The following BCL2L14 variants were observed in gnomAD, a reference collection of about 807,000 sequenced individuals.
BCL2L14 encodes BCL2 like 14.
Under a neutral mutation model 35.3 loss-of-function variants are expected in BCL2L14, and 27 were observed. That is an observed-to-expected ratio of 0.76 (90% CI 0.56 to 1.05). The LOEUF is 1.05. Ranked by LOEUF, BCL2L14 falls within the 50% of genes least tolerant of loss-of-function variation. The pLI, the probability that BCL2L14 is intolerant of heterozygous loss-of-function variation, is 0.00. For missense variants in BCL2L14, 377 were observed against 382.6 expected (o/e 0.99, Z 0.12); for synonymous variants, 139 against 145.9 (o/e 0.95, Z 0.34).
At chr12:12,091,383 C>T (rs754834028) in intron 4 of BCL2L14, among the ~76,000 whole-genome samples, 1 of 152,108 alleles carries the variant, frequency 6.6e-6, no homozygotes, top group African/African-American at 2.4e-5. Flanking sequence ...AAGTTGAGAC[C>T]CATCTTTCCA....
Position 12,094,823 on chromosome 12 carries a change from G to A in BCL2L14, c.838G>A (p.Ala280Thr), listed in dbSNP as rs201867584. The A allele has an allele frequency of 1.8e-5, 29 of 1,614,154 alleles. No homozygotes were observed. The African/African-American group carries it at 3.3e-4, about 19-fold the overall frequency. ...GGCTGCCCTTGTAATAGACGTCACG[G>A]CCAAGCTCACAGCTATTGACAACCA... ...FKAALVIDVT[A>T]KLTAIDNHPM... Residue 280 changes from alanine to threonine, a missense_variant, in exon 5 of 6, where the codon GCC (alanine) becomes ACC (threonine). Coordinates refer to ENST00000308721, the MANE Select transcript of BCL2L14 (RefSeq NM_138723.2).
intron 2 of BCL2L14, among the ~76,000 whole-genome samples, chr12:12,081,265 T>C (rs370539640): frequency 3.3e-5 from 5 of 151,906 alleles, no homozygotes; most frequent in African/African-American, 1.2e-4. Context: ...CCTGGCATCA[T>C]AGCAAGACCC....
intron 2 of BCL2L14, among the ~76,000 whole-genome samples, chr12:12,057,583 C>A (rs922041103): frequency 6.6e-6 from 1 of 151,944 alleles, no homozygotes; most frequent in Non-Finnish European, 1.5e-5. Context: ...CATGGAGAAA[C>A]CCCTTCTCTA....
chr12:12,062,629 G>A (rs1035471206), intron 2 of BCL2L14, among the ~76,000 whole-genome samples: 6 of 151,908 alleles, frequency 3.9e-5, no homozygotes, highest in South Asian at 2.1e-4. Flanking sequence ...AACATGCCCT[G>A]AGTCAGATAA....
At chr12:12,061,379 C>T (rs1426095165) in intron 2 of BCL2L14, among the ~76,000 whole-genome samples, 2 of 151,552 alleles carry the variant, frequency 1.3e-5, no homozygotes, top group Admixed American at 6.6e-5. Context: ...GCCAAGATCC[C>T]ATCCCACAGC....
Position 12,094,815 on chromosome 12 carries a change from A to G in BCL2L14, c.830A>G (p.Asp277Gly), listed in dbSNP as rs202089461. The part of the protein sequence containing the change: ...AQGFKAALVI[D>G]VTAKLTAIDN... ...GGCTTTAAGGCTGCCCTTGTAATAGACGTCACGGCCAAGCTCACAGCTATT... is the reference window on the plus strand; with the variant it reads ...GGCTTTAAGGCTGCCCTTGTAATAGGCGTCACGGCCAAGCTCACAGCTATT... Residue 277 changes from aspartate (D) to glycine (G), a missense_variant, in exon 5 of 6, where the codon GAC (aspartate) becomes GGC (glycine). Physicochemically the swap from Asp to Gly is moderately conservative, Grantham distance 94. Coordinates refer to ENST00000308721, the MANE Select transcript of BCL2L14 (RefSeq NM_138723.2). 1 of 1,614,144 alleles carries G rather than the reference A, an allele frequency of 6.2e-7. No individual in the cohort carries two copies. Among genetic ancestry groups the G allele is most frequent in the Admixed American group, 1.7e-5 (1 of 60,022 alleles).
chr12:12,069,780 T>G (rs1331189030), upstream of BCL2L14, among the ~76,000 whole-genome samples: 1 of 151,984 alleles, frequency 6.6e-6, no homozygotes, highest in African/African-American at 2.4e-5. Context: ...TTTAATACCC[T>G]CTACATTGAC....
At chr12:12,096,661 G>A (rs1334664190) in intron 5 of BCL2L14, among the ~76,000 whole-genome samples, 1 of 152,214 alleles carries the variant, frequency 6.6e-6, no homozygotes, top group Non-Finnish European at 1.5e-5. Flanking sequence ...CATTTCAACA[G>A]TAGGAAAATG....
At chr12:12,083,523 C>T (rs1485785754) in intron 2 of BCL2L14, among the ~76,000 whole-genome samples, 4 of 152,122 alleles carry the variant, frequency 2.6e-5, no homozygotes, top group Non-Finnish European at 4.4e-5. Flanking sequence ...TGAGGTTCAG[C>T]GATATACAGT....
intron 2 of BCL2L14, among the ~76,000 whole-genome samples, chr12:12,062,385 G>C (rs1385628498): frequency 6.8e-6 from 1 of 147,398 alleles, no homozygotes; most frequent in Non-Finnish European, 1.5e-5. Context: ...GTTCCACCAG[G>C]CCTAATTGCC....
At chr12:12,084,032 A>T (rs916149771) in intron 2 of BCL2L14, among the ~76,000 whole-genome samples, 1 of 152,236 alleles carries the variant, frequency 6.6e-6, no homozygotes. Context: ...GGCTTCACCC[A>T]TCATGTCTAC....
At chr12:12,092,461 G>A (rs527314434) in intron 4 of BCL2L14, among the ~76,000 whole-genome samples, 2 of 152,264 alleles carry the variant, frequency 1.3e-5, no homozygotes, top group African/African-American at 4.8e-5. Context: ...GCAGAGTGCC[G>A]TGTGTGTGGC....
chr12:12,075,089 C>CT (rs976014485), intron 1 of BCL2L14, among the ~76,000 whole-genome samples: 32 of 151,124 alleles, frequency 2.1e-4, no homozygotes, highest in East Asian at 9.7e-4. Context: ...ATTGATGTCT[C>CT]TTTTTTTTTA....
At chr12:12,088,764 T>C (rs1397619945) in intron 3 of BCL2L14, among the ~76,000 whole-genome samples, 1 of 152,060 alleles carries the variant, frequency 6.6e-6, no homozygotes, top group Non-Finnish European at 1.5e-5. Context: ...CCTCCAAAGG[T>C]ATCCGTGTCT....
chr12:12,056,716 C>T (rs1237637862), intron 2 of BCL2L14, among the ~76,000 whole-genome samples: 1 of 152,120 alleles, frequency 6.6e-6, no homozygotes, highest in Non-Finnish European at 1.5e-5. Context: ...GCCTGTAATC[C>T]CAGCTACTCA....
chr12:12,075,442 T>C (rs1366740768), intron 1 of BCL2L14, among the ~76,000 whole-genome samples: 1 of 140,854 alleles, frequency 7.1e-6, no homozygotes, highest in Non-Finnish European at 1.5e-5. Flanking sequence ...TCTTTTTTTT[T>C]TGAGACGGAG....
chr12:12,078,962 A>G (rs1438360802), intron 1 of BCL2L14, among the ~76,000 whole-genome samples: 1 of 152,064 alleles, frequency 6.6e-6, no homozygotes, highest in Non-Finnish European at 1.5e-5. Context: ...ATGCCTGGCT[A>G]ATTTTTGTAT....
At chr12:12,078,985 C>T (rs908682383) in intron 1 of BCL2L14, among the ~76,000 whole-genome samples, 43 of 152,086 alleles carry the variant, frequency 2.8e-4, no homozygotes, top group African/African-American at 8.2e-4. Flanking sequence ...TTAGTAGAGA[C>T]GGGCTTTCAC....
At position 12,087,283 on chromosome 12, in the gene BCL2L14, A is replaced by T; in HGVS notation, c.504A>T (p.Gln168His). The T allele has an allele frequency of 6.2e-7, 1 of 1,614,152 alleles. No homozygotes were observed. The highest frequency in any genetic ancestry group is 8.5e-7 in the Non-Finnish European group (1 of 1,179,996). ...TTGTTTACTCCTGGCCACCACCACA[A>T]GCGACCCAGGCAGGAGGCTTCAAGT... is the stretch of plus-strand genomic sequence containing the variant. ...AEIVYSWPPP[Q>H]ATQAGGFKSK... The change falls in exon 3 of 6, where the codon CAA becomes CAT. Residue 168 changes from glutamine (Q) to histidine (H), a missense_variant. Coordinates refer to ENST00000308721, the MANE Select transcript of BCL2L14 (RefSeq NM_138723.2).
Sources: allele counts gnomAD v4.1 joint callset (sites outside exome capture counted in the v4.1 genomes callset), GRCh38; gene constraint gnomAD v4.1.1; transcripts MANE v1.5; gene names NCBI Gene and HGNC (gene_info 2026-07-23, HGNC 2026-07-21).